The following PTGER3 variants were observed in gnomAD, a reference collection of about 807,000 sequenced individuals.
PTGER3 encodes the protein prostaglandin E receptor 3.
In PTGER3, 22 loss-of-function variants were observed where a neutral mutation model predicts 34.7. The ratio of observed to expected loss-of-function variants is 0.63; its 90% confidence interval spans 0.45 to 0.91. The LOEUF (loss-of-function observed/expected upper bound fraction) is 0.91, where lower values mean the gene tolerates loss of function less well. Among genes scored for constraint, PTGER3 ranks in the 40% least tolerant of loss-of-function variants. The pLI is 0.00. For missense variants in PTGER3, 468 were observed against 519.4 expected (o/e 0.90, Z 0.96); for synonymous variants, 241 against 230.1 (o/e 1.05, Z -0.43).
intron 4 of PTGER3, among the ~76,000 whole-genome samples, chr1:70,894,944 C>T (rs1446305495): frequency 6.6e-6 from 1 of 152,150 alleles, no homozygotes; most frequent in Non-Finnish European, 1.5e-5. Flanking sequence ...TCTTAGCATT[C>T]CCTTAGTTTT....
chr1:71,028,091 T>C (rs926565656), intron 1 of PTGER3, among the ~76,000 whole-genome samples: 10 of 152,296 alleles, frequency 6.6e-5, no homozygotes, highest in African/African-American at 2.4e-4. Flanking sequence ...GGTCCATTCA[T>C]CCATCTCCCC....
chr1:70,999,771 A>G (rs577361470), intron 2 of PTGER3, among the ~76,000 whole-genome samples: 2 of 152,348 alleles, frequency 1.3e-5, no homozygotes, highest in East Asian at 3.9e-4. Context: ...AAAGAGATGT[A>G]TTCTTAGTAA....
chr1:70,870,233 T>G (rs111650691), intron 4 of PTGER3, among the ~76,000 whole-genome samples: 2 of 152,302 alleles, frequency 1.3e-5, no homozygotes, highest in East Asian at 3.9e-4. Flanking sequence ...CTTTGAGCCA[T>G]GGCTAGTGCT....
chr1:70,987,570 T>C (rs1028611378), intron 2 of PTGER3, among the ~76,000 whole-genome samples: 2 of 152,232 alleles, frequency 1.3e-5, no homozygotes, highest in Non-Finnish European at 2.9e-5. Flanking sequence ...CTGATTTGAT[T>C]GATCTCTATG....
chr1:71,028,251 T>C (rs780547908), intron 1 of PTGER3, among the ~76,000 whole-genome samples: 1 of 151,974 alleles, frequency 6.6e-6, no homozygotes, highest in Non-Finnish European at 1.5e-5. Context: ...TAAGAGAAAG[T>C]CATAGAAAAA....
At chr1:70,972,975 TATA>T (rs1653247459) in intron 3 of PTGER3, among the ~76,000 whole-genome samples, 1 of 152,074 alleles carries the variant, frequency 6.6e-6, no homozygotes, top group African/African-American at 2.4e-5. Flanking sequence ...TGAGCAAAAG[TATA>T]ATAAGATTTA....
At chr1:70,871,342 A>G (rs1646158987) in intron 4 of PTGER3, among the ~76,000 whole-genome samples, 1 of 152,202 alleles carries the variant, frequency 6.6e-6, no homozygotes. Flanking sequence ...CCACCAAGCC[A>G]TGATGGATCT....
Position 70,970,815 on chromosome 1 carries a change from T to C in PTGER3, c.*915A>G. 1 of 880,944 alleles carries C rather than the reference T, an allele frequency of 1.1e-6. No homozygotes were observed. The highest frequency in any genetic ancestry group is 1.4e-6 in the Non-Finnish European group (1 of 734,870). 54.6% of individuals were successfully genotyped at this position (880,944 alleles called of 1,614,324 possible). A position where few individuals can be genotyped will look rare whatever the true frequency, so the allele number is the denominator to read the frequency against. On this transcript the variant is annotated 3_prime_UTR_variant, in exon 4 of 4. Transcript: ENST00000306666. ...AAGTCCACAAAGTTTTTTATTTTAA[T>C]ACAGACAAAATAGATTCTTTTATTT...
intron 1 of PTGER3, among the ~76,000 whole-genome samples, chr1:71,020,861 G>C (rs997762434): frequency 6.6e-6 from 1 of 151,914 alleles, no homozygotes; most frequent in African/African-American, 2.4e-5. Context: ...ACCTAATTTT[G>C]GTTCTTAACT....
At chr1:70,873,043 A>G (rs1185239393) in intron 4 of PTGER3, among the ~76,000 whole-genome samples, 1 of 152,142 alleles carries the variant, frequency 6.6e-6, no homozygotes, top group Admixed American at 6.6e-5. Flanking sequence ...TATTCTCTCT[A>G]TCCTGCATCC....
At chr1:71,024,669 C>G (rs1250836915) in intron 1 of PTGER3, among the ~76,000 whole-genome samples, 4 of 129,570 alleles carry the variant, frequency 3.1e-5, no homozygotes, top group South Asian at 2.4e-4. Context: ...TTTTTTTTGC[C>G]TCAGCCTCTC....
In PTGER3 at chr1:70,982,916, C is replaced by A. The variant is rs564714484; in HGVS notation, c.1078-8528G>T. Among the ~76,000 whole-genome samples, 82 of 152,152 alleles carry A rather than the reference C, an allele frequency of 5.4e-4. 1 individual carries two copies. Among genetic ancestry groups the A allele is most frequent in the African/African-American group, 1.9e-3 (78 of 41,506 alleles). ...AGTGTAAACATATATCAACACATCA[C>A]AACATACCCCATAAATACAGAACAT... is the stretch of plus-strand genomic sequence containing the variant. On this transcript the variant is annotated intron_variant, in intron 2 of 3. Transcript: ENST00000306666.
At chr1:70,900,702 G>T (rs552517512) in intron 4 of PTGER3, among the ~76,000 whole-genome samples, 1 of 152,202 alleles carries the variant, frequency 6.6e-6, no homozygotes, top group South Asian at 2.1e-4. Flanking sequence ...TCATTTTGAA[G>T]GCAGAAGAGG....
chr1:70,963,192 C>T (rs1652126260), intron 2 of PTGER3, among the ~76,000 whole-genome samples: 1 of 152,210 alleles, frequency 6.6e-6, no homozygotes. Context: ...CTCTGTCCCT[C>T]TGGCTTTGCA....
chr1:70,875,551 TA>T (rs1431200781), intron 4 of PTGER3, among the ~76,000 whole-genome samples: 3 of 152,192 alleles, frequency 2.0e-5, no homozygotes, highest in Non-Finnish European at 2.9e-5. Flanking sequence ...AGGTTTGGTG[TA>T]CAGATTATTT....
intron 4 of PTGER3, among the ~76,000 whole-genome samples, chr1:70,913,233 T>G (rs1647099896): frequency 6.6e-6 from 1 of 151,992 alleles, no homozygotes; most frequent in Non-Finnish European, 1.5e-5. Context: ...TTATTCCTAT[T>G]AATATTTCAT....
intron 4 of PTGER3, among the ~76,000 whole-genome samples, chr1:70,919,405 G>T (rs1420409559): frequency 6.6e-6 from 1 of 152,100 alleles, no homozygotes; most frequent in Admixed American, 6.6e-5. Flanking sequence ...TTCCTTTCCA[G>T]TGAGCTGAGA....
chr1:70,878,109 T>G (rs1165591603), intron 4 of PTGER3, among the ~76,000 whole-genome samples: 1 of 152,172 alleles, frequency 6.6e-6, no homozygotes, highest in Non-Finnish European at 1.5e-5. Context: ...TCTGGGCTTC[T>G]TCTGGTTGGT....
At chr1:70,977,319 C>G (rs1013073847) in intron 2 of PTGER3, among the ~76,000 whole-genome samples, 3 of 152,060 alleles carry the variant, frequency 2.0e-5, no homozygotes, top group Non-Finnish European at 4.4e-5. Context: ...GCTGAGGATG[C>G]CTGATGCCTG....
Sources: gnomAD v4.1 joint callset for allele counts (sites outside exome capture counted in the v4.1 genomes callset) on GRCh38, gnomAD v4.1.1 for gene constraint, MANE v1.5 for transcripts, NCBI Gene and HGNC (gene_info 2026-07-23, HGNC 2026-07-21) for gene names.